Variants in ADGRV1 observed in about 807,000 individuals in gnomAD.
The protein encoded by ADGRV1 is G-protein coupled receptor 98.
ADGRV1 carries 359 observed loss-of-function variants against 596.2 expected under a neutral mutation model. The ratio of observed to expected loss-of-function variants is 0.60; its 90% CI spans 0.55 to 0.66. The LOEUF (loss-of-function observed/expected upper bound fraction) is 0.66, where lower values mean the gene tolerates loss of function less well. Among genes scored for constraint, ADGRV1 ranks in the 30% least tolerant of loss-of-function variants. The probability of loss-of-function intolerance (pLI) is 0.00; values close to 1 mark genes in which losing one functional copy is unlikely to be tolerated. For synonymous variants in ADGRV1, 2,681 were observed against 2,679.2 expected (o/e 1.00, Z -0.02); for missense variants, 7,274 against 7,575.6 (o/e 0.96, Z 1.48).
At chr5:90,902,654 G>A (rs987610919) in intron 83 of ADGRV1, among the ~76,000 whole-genome samples, 1 of 152,108 alleles carries the variant, frequency 6.6e-6, no homozygotes, top group Non-Finnish European at 1.5e-5. Flanking sequence ...TCATTTTTAA[G>A]CGATGATAAC....
At chr5:90,798,620 C>A (rs1337837315) in intron 70 of ADGRV1, among the ~76,000 whole-genome samples, 2 of 151,854 alleles carry the variant, frequency 1.3e-5, no homozygotes, top group Non-Finnish European at 2.9e-5. Flanking sequence ...AGAGACACAA[C>A]AAAAAAAGAA....
intron 1 of ADGRV1, among the ~76,000 whole-genome samples, chr5:90,582,049 C>G (rs553692734): frequency 5.4e-5 from 8 of 148,026 alleles, no homozygotes; most frequent in Admixed American, 2.0e-4. Flanking sequence ...CAAGAGTGTA[C>G]TTGGTATATG....
At chr5:90,585,643 C>T (rs556232278) in intron 1 of ADGRV1, among the ~76,000 whole-genome samples, 1 of 152,276 alleles carries the variant, frequency 6.6e-6, no homozygotes, top group Admixed American at 6.5e-5. Flanking sequence ...CCCAGGAGTA[C>T]ATTGCTATGG....
At chr5:90,656,011 T>A (rs956125921) in intron 20 of ADGRV1, among the ~76,000 whole-genome samples, 1 of 152,168 alleles carries the variant, frequency 6.6e-6, no homozygotes, top group South Asian at 2.1e-4. Context: ...TTGAAAAGTA[T>A]AGAATAGTAT....
chr5:90,654,391 G>A (rs1379227692), intron 20 of ADGRV1: 10 of 197,066 alleles, frequency 5.1e-5, no homozygotes, highest in Non-Finnish European at 5.2e-5. Context: ...AGAGGGTGGT[G>A]GGCGTGAGGT....
intron 23 of ADGRV1, 158 bp downstream of exon 23, chr5:90,674,392 A>G (rs1243039467): frequency 2.3e-6 from 1 of 440,738 alleles, no homozygotes; most frequent in Non-Finnish European, 3.9e-6. Flanking sequence ...GTTTTGAGAG[A>G]CATTGTTTAT....
chr5:91,130,557 G>A (rs1034071926), intron 87 of ADGRV1, among the ~76,000 whole-genome samples: 3 of 142,446 alleles, frequency 2.1e-5, no homozygotes, highest in Admixed American at 7.1e-5. Flanking sequence ...TTGATGTCTT[G>A]AATAGGAGAC....
intron 59 of ADGRV1, among the ~76,000 whole-genome samples, chr5:90,763,888 T>C (rs1244496851): frequency 6.6e-6 from 1 of 152,252 alleles, no homozygotes; most frequent in Admixed American, 6.5e-5. Flanking sequence ...TAGTATTCCA[T>C]GGTGTATATC....
chr5:90,957,789 A>T (rs1277207926), intron 83 of ADGRV1, among the ~76,000 whole-genome samples: 1 of 151,444 alleles, frequency 6.6e-6, no homozygotes, highest in Non-Finnish European at 1.5e-5. Flanking sequence ...ATATGCCAGG[A>T]GATCAGGAGA....
chr5:90,733,507 T>G (rs1752816130), intron 50 of ADGRV1, among the ~76,000 whole-genome samples: 1 of 152,146 alleles, frequency 6.6e-6, no homozygotes. Context: ...TTAGCACAAA[T>G]ACAGGAGTCA....
At chr5:90,684,586 C>T (rs1745365435) in intron 28 of ADGRV1, among the ~76,000 whole-genome samples, 1 of 152,044 alleles carries the variant, frequency 6.6e-6, no homozygotes, top group South Asian at 2.1e-4. Flanking sequence ...TGGGAAGTGC[C>T]ACGATTAAGG....
chr5:90,612,954 T>C (rs958518206), intron 1 of ADGRV1, among the ~76,000 whole-genome samples: 6 of 152,098 alleles, frequency 3.9e-5, no homozygotes, highest in African/African-American at 1.4e-4. Flanking sequence ...TAAATGCATA[T>C]TCCTGGTCCT....
At chr5:90,783,411 A>G in intron 66 of ADGRV1, 86 bp downstream of exon 66, 3 of 919,540 alleles carry the variant, frequency 3.3e-6, no homozygotes, top group Non-Finnish European at 5.1e-6. Context: ...TGACAATAGA[A>G]CTTTAGATAA....
chr5:90,627,157 T>G, intron 6 of ADGRV1, 54 bp from the exon 7 acceptor site: 1 of 947,472 alleles, frequency 1.1e-6, no homozygotes, highest in Non-Finnish European at 1.5e-6. Flanking sequence ...CTTTAGTTTA[T>G]TTGCAGGTGT....
intron 1 of ADGRV1, among the ~76,000 whole-genome samples, chr5:90,587,301 C>T (rs1758879713): frequency 6.6e-6 from 1 of 152,114 alleles, no homozygotes; most frequent in African/African-American, 2.4e-5. Flanking sequence ...AGATACCAGT[C>T]ATTCCTCTAA....
chr5:90,653,086 T>C, intron 19 of ADGRV1, 123 bp from the exon 20 acceptor site: 1 of 902,222 alleles, frequency 1.1e-6, no homozygotes, highest in South Asian at 1.9e-5. Context: ...ACACTACTTT[T>C]CATTGATAAT....
At chr5:90,618,249 C>A (rs1763615810) in intron 3 of ADGRV1, among the ~76,000 whole-genome samples, 1 of 152,008 alleles carries the variant, frequency 6.6e-6, no homozygotes, top group South Asian at 2.1e-4. Context: ...TCTTTTATTC[C>A]TCCCCTGCTA....
chr5:91,065,523 C>A (rs549096762), intron 85 of ADGRV1, among the ~76,000 whole-genome samples: 339 of 152,292 alleles, frequency 2.2e-3, no homozygotes, highest in Non-Finnish European at 3.9e-3. Flanking sequence ...ATCTCATGCA[C>A]AGGGAGTTCC....
At chr5:90,752,114 T>G (rs1755331398) in intron 53 of ADGRV1, among the ~76,000 whole-genome samples, 1 of 152,174 alleles carries the variant, frequency 6.6e-6, no homozygotes, top group Non-Finnish European at 1.5e-5. Context: ...CTGCTTTGCC[T>G]TTGTAGTAGA....
Sources: gnomAD v4.1 joint callset for allele counts (sites outside exome capture counted in the v4.1 genomes callset) on GRCh38, gnomAD v4.1.1 for gene constraint, MANE v1.5 for transcripts, NCBI Gene and HGNC (gene_info 2026-07-23, HGNC 2026-07-21) for gene names.